The following AFF2 variants were observed in gnomAD, a reference collection of about 807,000 sequenced individuals.
AFF2 encodes ALF transcription elongation factor 2.
AFF2 carries 14 observed loss-of-function variants against 76.9 expected under a neutral mutation model. The ratio of observed to expected loss-of-function variants is 0.18; its 90% CI spans 0.12 to 0.28. AFF2 has a LOEUF of 0.28. Among genes scored for constraint, AFF2 ranks in the 10% least tolerant of loss-of-function variants. The probability of loss-of-function intolerance (pLI) is 1.00; values close to 1 mark genes in which losing one functional copy is unlikely to be tolerated. For synonymous variants in AFF2, 398 were observed against 366.7 expected, an observed-to-expected ratio of 1.09 and a Z score of -0.98; for missense variants, 868 against 1,001.1, an observed-to-expected ratio of 0.87 and a Z score of 1.79.
At chrX:148,533,423 G>A (rs1304580357) in intron 1 of AFF2, among the ~76,000 whole-genome samples, 1 of 109,914 alleles carries the variant, frequency 9.1e-6, no homozygotes, top group African/African-American at 3.3e-5. Flanking sequence ...CTCCCGAGTA[G>A]CTGGGACTAC....
At chrX:148,502,813 G>A (rs1333828109) in intron 1 of AFF2, among the ~76,000 whole-genome samples, 3 of 112,153 alleles carry the variant, frequency 2.7e-5, no homozygotes, top group Non-Finnish European at 5.6e-5. Context: ...ACATATACAA[G>A]GTATTAGGTT....
intron 4 of AFF2, 98 bp downstream of exon 4, chrX:148,810,018 T>C: frequency 1.2e-6 from 1 of 837,860 alleles, no homozygotes; most frequent in South Asian, 2.4e-5. Context: ...AGGAGTTTCA[T>C]GATGGGGAAT....
intron 3 of AFF2, among the ~76,000 whole-genome samples, chrX:148,773,746 G>GAAAGAAAGAAAGAA (rs782497527): frequency 1.4e-5 from 1 of 69,184 alleles, no homozygotes; most frequent in East Asian, 6.1e-4. Flanking sequence ...AAGAAAGAAA[G>GAAAGAAAGAAAGAA]AGAAAGAAAG....
rs782701572 is a variant in AFF2, at chrX:148,726,332, A to G, written c.1041+63564A>G. On this transcript the variant is annotated intron_variant, in intron 3 of 20. Transcript: ENST00000370460. ...CCCACTCTGCCTAGCAACTACCAAA[A>G]TTTCAGATTCCCAGAGGGAAAACCA... is the stretch of plus-strand genomic sequence containing the variant. 2.7e-5 allele frequency among the ~76,000 whole-genome samples: 3 copies of G among 112,000 alleles called. No individual in the cohort carries two copies. In the East Asian group the frequency reaches 8.5e-4, roughly 32 times the overall value.
intron 3 of AFF2, among the ~76,000 whole-genome samples, chrX:148,681,432 G>A (rs782172443): frequency 3.6e-5 from 4 of 110,476 alleles, no homozygotes; most frequent in South Asian, 3.9e-4. Context: ...TACACAGGGC[G>A]AAATTAACTG....
chrX:148,861,342 C>T (rs1557276398), intron 7 of AFF2, among the ~76,000 whole-genome samples: 1 of 111,740 alleles, frequency 8.9e-6, no homozygotes, highest in African/African-American at 3.2e-5. Context: ...ATGTGTGAGG[C>T]AAAATTATTT....
At chrX:148,860,323 A>G (rs782351795) in intron 7 of AFF2, among the ~76,000 whole-genome samples, 1 of 112,063 alleles carries the variant, frequency 8.9e-6, no homozygotes, top group Non-Finnish European at 1.9e-5. Context: ...CTAACAATAA[A>G]TTGAGAAAAT....
chrX:148,688,276 C>T (rs2054618253), intron 3 of AFF2, among the ~76,000 whole-genome samples: 1 of 111,490 alleles, frequency 9.0e-6, no homozygotes, highest in African/African-American at 3.3e-5. Context: ...AGTCAAACCT[C>T]TGGAGATCCC....
Position 148,997,130 on chromosome X carries a change from C to G in AFF2, c.*5798C>G, listed in dbSNP as rs1239820851. 8.9e-6 allele frequency: 1 copy of G among 112,140 alleles called. No individual in the cohort carries two copies. The highest frequency in any genetic ancestry group is 3.3e-5 in the African/African-American group (1 of 30,761). 9.2% of individuals were successfully genotyped at this position (112,140 alleles called of 1,213,427 possible). Reference sequence around the variant, plus strand: ...AAAGTATCTACTTACTGTTTTAGCTCTGAACTCAAACCAGAATATCTCTGT... The same window carrying G: ...AAAGTATCTACTTACTGTTTTAGCTGTGAACTCAAACCAGAATATCTCTGT... On this transcript the variant is annotated 3_prime_UTR_variant, in exon 21 of 21. Coordinates refer to ENST00000370460, the MANE Select transcript of AFF2 (RefSeq NM_002025.4).
intron 3 of AFF2, among the ~76,000 whole-genome samples, chrX:148,779,284 A>T (rs1312703530): frequency 8.9e-6 from 1 of 111,827 alleles, no homozygotes; most frequent in Non-Finnish European, 1.9e-5. Context: ...ATTTTAGAAT[A>T]AGTGCTTTGT....
At chrX:148,856,070 G>A (rs1266490614) in intron 7 of AFF2, among the ~76,000 whole-genome samples, 2 of 111,153 alleles carry the variant, frequency 1.8e-5, no homozygotes, top group Non-Finnish European at 3.8e-5. Context: ...TCCAGAAAGA[G>A]CAAACCTGGA....
At chrX:148,792,432 G>A (rs782065811) in intron 3 of AFF2, among the ~76,000 whole-genome samples, 8 of 112,622 alleles carry the variant, frequency 7.1e-5, no homozygotes, top group South Asian at 3.7e-4. Flanking sequence ...CAGCCTGGGC[G>A]ATAAGAGCGA....
At chrX:148,528,270 A>G (rs781802138) in intron 1 of AFF2, among the ~76,000 whole-genome samples, 23 of 112,160 alleles carry the variant, frequency 2.1e-4, no homozygotes, top group African/African-American at 7.4e-4. Flanking sequence ...CTCACCTTTT[A>G]GATATTTTTC....
At chrX:148,561,693 C>A (rs782435599) in intron 1 of AFF2, among the ~76,000 whole-genome samples, 1 of 110,867 alleles carries the variant, frequency 9.0e-6, no homozygotes, top group Non-Finnish European at 1.9e-5. Flanking sequence ...AGAAGGAATG[C>A]GGTGGAATAC....
At chrX:148,519,112 C>A (rs1173121089) in intron 1 of AFF2, among the ~76,000 whole-genome samples, 2 of 111,614 alleles carry the variant, frequency 1.8e-5, no homozygotes, top group East Asian at 5.6e-4. Context: ...ATTTTAATGG[C>A]ACCTTATATA....
chrX:148,792,076 A>T (rs2069902865), intron 3 of AFF2, among the ~76,000 whole-genome samples: 1 of 111,370 alleles, frequency 9.0e-6, no homozygotes, highest in Admixed American at 9.6e-5. Flanking sequence ...CATGGGTTTG[A>T]AGTCTTACAG....
intron 3 of AFF2, among the ~76,000 whole-genome samples, chrX:148,785,008 G>A (rs142440492): frequency 0.016 from 1,798 of 111,585 alleles, 18 homozygotes; most frequent in Middle Eastern, 0.028. Flanking sequence ...AAACAATCAG[G>A]TCTTTGACTG....
intron 3 of AFF2, among the ~76,000 whole-genome samples, chrX:148,759,239 A>G (rs1055800250): frequency 1.8e-5 from 2 of 112,107 alleles, no homozygotes; most frequent in Non-Finnish European, 3.8e-5. Context: ...AATTTGAGAG[A>G]ATCTTTACAG....
chrX:148,906,124 AAGG>A (rs1489952105), intron 9 of AFF2, among the ~76,000 whole-genome samples: 1 of 112,381 alleles, frequency 8.9e-6, no homozygotes, highest in African/African-American at 3.2e-5. Flanking sequence ...GCACTTGAAG[AAGG>A]AGACTTCCTC....
Sources: gnomAD v4.1 joint callset for allele counts (sites outside exome capture counted in the v4.1 genomes callset) on GRCh38, gnomAD v4.1.1 for gene constraint, MANE v1.5 for transcripts, NCBI Gene and HGNC (gene_info 2026-07-23, HGNC 2026-07-21) for gene names.